The following POF1B variants were observed in gnomAD, a reference collection of about 807,000 sequenced individuals.
POF1B encodes protein POF1B.
A neutral mutation model predicts 55.3 loss-of-function variants in POF1B; 53 were observed. The observed-to-expected ratio is 0.96, with a 90% CI of 0.77 to 1.20. POF1B has a LOEUF of 1.20. Ranked by LOEUF, POF1B falls within the 50% of genes most tolerant of loss-of-function variation. The probability of loss-of-function intolerance (pLI) is 0.00; values close to 1 mark genes in which losing one functional copy is unlikely to be tolerated. For synonymous variants in POF1B, 188 were observed against 148.3 expected (o/e 1.27, Z -1.95); for missense variants, 478 against 420.5 (o/e 1.14, Z -1.20).
chrX:85,361,955 CGTGT>C (rs3049233), intron 3 of POF1B, among the ~76,000 whole-genome samples: 8,073 of 94,130 alleles, frequency 0.086, 705 homozygotes, highest in African/African-American at 0.25. Context: ...CTAGGTATTT[CGTGT>C]GTGTGTGTGT....
Position 85,355,122 on chromosome X carries a change from G to A in POF1B, c.439-3671C>T, listed in dbSNP as rs201139059. Among the ~76,000 whole-genome samples, 3 of 111,131 alleles carry A rather than the reference G, an allele frequency of 2.7e-5. No individual in the cohort carries two copies. In the East Asian group the frequency reaches 8.6e-4, roughly 32 times the overall value. ...TACCAAAACAGAGAGATAGACCAAT[G>A]GAACAGAACAGAGCCCTCAGAAATA... On this transcript the variant is annotated intron_variant, in intron 4 of 16. Coordinates refer to ENST00000262753, the MANE Select transcript of POF1B (RefSeq NM_024921.4).
chrX:85,365,623 T>C (rs1933706839), intron 3 of POF1B, among the ~76,000 whole-genome samples: 1 of 111,709 alleles, frequency 9.0e-6, no homozygotes, highest in Admixed American at 9.5e-5. Flanking sequence ...CCTCTGTTAT[T>C]TCCTCACAGT....
At chrX:85,335,321 G>A (rs748688726) in intron 6 of POF1B, among the ~76,000 whole-genome samples, 5 of 111,397 alleles carry the variant, frequency 4.5e-5, no homozygotes, top group South Asian at 7.4e-4. Context: ...AGGTTATAAC[G>A]TATAGATTAT....
In POF1B at chrX:85,370,051, A is replaced by G. The variant is rs192629396; in HGVS notation, c.283-2285T>C. On this transcript the variant is annotated intron_variant, in intron 2 of 16. Coordinates refer to ENST00000262753, the MANE Select transcript of POF1B (RefSeq NM_024921.4). ...CAAATGAAACATAGCAAATCTTACTAGCCAACTGGACTAGCTTTTAAGATA... is the reference window on the plus strand; with the variant it reads ...CAAATGAAACATAGCAAATCTTACTGGCCAACTGGACTAGCTTTTAAGATA... 5.4e-4 allele frequency among the ~76,000 whole-genome samples: 61 copies of G among 112,329 alleles called. No individual in the cohort carries two copies. In the Admixed American group the frequency reaches 5.5e-3, roughly 10 times the overall value.
In POF1B at chrX:85,308,189, G is replaced by A. The variant is rs898166402; in HGVS notation, c.985C>T (p.Arg329Ter). 1.0e-5 allele frequency: 12 copies of A among 1,175,301 alleles called. No homozygotes were observed. Among genetic ancestry groups the A allele is most frequent in the East Asian group, 6.1e-5 (2 of 32,815 alleles). Residue 329 changes from arginine to a stop codon, truncating the protein, a stop_gained, in exon 10 of 17, where the codon CGA (arginine) becomes TGA (stop). Transcript: ENST00000262753. LOFTEE classifies it high-confidence loss of function. ...QMRGMSDKSL[R>*]LVLSTFSNIR... ...TTGCTAAATGTGGACAGCACTAGTCGGAGTGACTTATCAGACATACCCCTC... is the reference window on the plus strand; with the variant it reads ...TTGCTAAATGTGGACAGCACTAGTCAGAGTGACTTATCAGACATACCCCTC...
At chrX:85,318,254 A>G (rs148037117) in intron 7 of POF1B, among the ~76,000 whole-genome samples, 12,461 of 111,617 alleles carry the variant, frequency 0.11, 576 homozygotes, top group South Asian at 0.17. Flanking sequence ...GATTCTGGAT[A>G]TTAGACCTGT....
At chrX:85,314,338 T>G in intron 9 of POF1B, 94 bp downstream of exon 9, 2 of 663,847 alleles carry the variant, frequency 3.0e-6, no homozygotes, top group Non-Finnish European at 4.3e-6. Flanking sequence ...AATAAGATTT[T>G]AATTTGGGAC....
intron 2 of POF1B, among the ~76,000 whole-genome samples, chrX:85,371,697 T>C (rs1170690449): frequency 1.8e-5 from 2 of 111,752 alleles, no homozygotes; most frequent in Non-Finnish European, 1.9e-5. Flanking sequence ...ACTGGGACTT[T>C]TAAAATTATT....
intron 5 of POF1B, among the ~76,000 whole-genome samples, chrX:85,348,638 G>A (rs1272935732): frequency 9.0e-6 from 1 of 111,290 alleles, no homozygotes; most frequent in African/African-American, 3.3e-5. Context: ...CTATCTGCAT[G>A]GTTCCTTTTA....
At chrX:85,339,452 GAA>G (rs1933132914) in intron 6 of POF1B, among the ~76,000 whole-genome samples, 1 of 111,207 alleles carries the variant, frequency 9.0e-6, no homozygotes, top group Non-Finnish European at 1.9e-5. Context: ...TGCCTGAGAA[GAA>G]GTCATAGAAG....
chrX:85,367,825 T>G, intron 2 of POF1B, 59 bp from the exon 3 acceptor site: 2 of 757,101 alleles, frequency 2.6e-6, no homozygotes, highest in Non-Finnish European at 3.9e-6. Flanking sequence ...GTTCTCATGG[T>G]ATTTTTTCTT....
chrX:85,284,101 G>A (rs1931977356), intron 15 of POF1B, among the ~76,000 whole-genome samples: 1 of 110,818 alleles, frequency 9.0e-6, no homozygotes, highest in Non-Finnish European at 1.9e-5. Flanking sequence ...CAACTTACAA[G>A]AGATGTGAAG....
rs888804879 is a variant in POF1B, at chrX:85,282,982, T to C, written c.1650-665A>G. Among the ~76,000 whole-genome samples the C allele has an allele frequency of 3.6e-5, 4 of 111,504 alleles. 1 individual carries two copies. Among genetic ancestry groups the C allele is most frequent in the African/African-American group, 1.3e-4 (4 of 30,656 alleles). On this transcript the variant is annotated intron_variant, in intron 15 of 16. Transcript: ENST00000262753. ...ACCAGAGTGAAAAGCTCTCCTGATA[T>C]AGAGGCCATCAGATAGATACTGCAG...
intron 6 of POF1B, among the ~76,000 whole-genome samples, chrX:85,335,828 T>C (rs1933062287): frequency 9.0e-6 from 1 of 111,045 alleles, no homozygotes; most frequent in Admixed American, 9.6e-5. Flanking sequence ...TCACCTTAAG[T>C]ATTTATGCTT....
rs186717010 is a variant in POF1B at position 85,364,314 on chromosome X, G to A, written c.357+3378C>T. Among the ~76,000 whole-genome samples the A allele has an allele frequency of 2.7e-5, 3 of 111,051 alleles. No homozygotes were observed. The East Asian group carries it at 8.6e-4, about 32-fold the overall frequency. On this transcript the variant is annotated intron_variant, in intron 3 of 16. Coordinates refer to ENST00000262753, the MANE Select transcript of POF1B (RefSeq NM_024921.4). ...TATTTTGTTGACTGGTTATTATGCC[G>A]GCTTGTTTGTGTGGCTGCTTTATAA... is the stretch of plus-strand genomic sequence containing the variant.
chrX:85,375,350 ACTTGCCACCCTCATAT>A (rs1450384805), intron 2 of POF1B, among the ~76,000 whole-genome samples: 3 of 111,375 alleles, frequency 2.7e-5, no homozygotes, highest in Non-Finnish European at 5.7e-5. Context: ...CCTCTCTTCC[ACTTGCCACCCTCATAT>A]CTTGCCACAC....
intron 2 of POF1B, among the ~76,000 whole-genome samples, chrX:85,370,130 T>C (rs1318315127): frequency 8.9e-6 from 1 of 112,230 alleles, no homozygotes; most frequent in African/African-American, 3.2e-5. Context: ...CAAATAGGAA[T>C]ACACACACAT....
chrX:85,379,104 A>G (rs1933967944), intron 2 of POF1B, 69 bp downstream of exon 2: 3 of 1,094,116 alleles, frequency 2.7e-6, no homozygotes, highest in Non-Finnish European at 3.7e-6. Context: ...GCAAAGAAGC[A>G]GAAAGGAAGA....
At chrX:85,353,795 G>A (rs1370518958) in intron 4 of POF1B, among the ~76,000 whole-genome samples, 1 of 111,444 alleles carries the variant, frequency 9.0e-6, no homozygotes, top group African/African-American at 3.3e-5. Flanking sequence ...CAATTGCTGA[G>A]TAGTCAAATG....
Sources: allele counts gnomAD v4.1 joint callset (sites outside exome capture counted in the v4.1 genomes callset), GRCh38; gene constraint gnomAD v4.1.1; transcripts MANE v1.5; gene names NCBI Gene and HGNC (gene_info 2026-07-23, HGNC 2026-07-21).